Variants in PLCE1 observed in about 807,000 individuals in gnomAD.
PLCE1 encodes the protein phospholipase C epsilon 1.
In PLCE1, 119 loss-of-function variants were observed where a neutral mutation model predicts 242.8. The observed-to-expected ratio is 0.49, with a 90% confidence interval of 0.42 to 0.57. The LOEUF is 0.57. PLCE1 is among the 20% of genes least tolerant of loss of function. PLCE1 has a pLI of 0.00. For missense variants in PLCE1, 2,441 were observed against 2,788.8 expected (o/e 0.88, Z 2.81); for synonymous variants, 945 against 1,017.4 (o/e 0.93, Z 1.35).
intron 1 of PLCE1, among the ~76,000 whole-genome samples, 191 bp downstream of exon 1, chr10:93,994,449 G>A (rs972088730): frequency 6.6e-6 from 1 of 152,268 alleles, no homozygotes; most frequent in African/African-American, 2.4e-5. Flanking sequence ...CCCTCGCAGG[G>A]GCTAAAGGAC....
intron 2 of PLCE1, among the ~76,000 whole-genome samples, chr10:94,124,143 G>A (rs914910847): frequency 1.3e-5 from 2 of 152,126 alleles, no homozygotes; most frequent in Admixed American, 6.5e-5. Flanking sequence ...ACGCTGGGAC[G>A]CTGAGGCGGG....
chr10:94,177,269 A>G (rs2048155985), intron 4 of PLCE1, among the ~76,000 whole-genome samples: 1 of 152,216 alleles, frequency 6.6e-6, no homozygotes, highest in African/African-American at 2.4e-5. Flanking sequence ...GAGATAAATC[A>G]TTTAAAATCA....
At chr10:94,129,170 T>C (rs2046522029) in intron 2 of PLCE1, among the ~76,000 whole-genome samples, 2 of 152,088 alleles carry the variant, frequency 1.3e-5, no homozygotes, top group Admixed American at 1.3e-4. Context: ...AACAATGAGA[T>C]GACAAGAGAT....
chr10:94,269,382 A>T (rs1055905180), intron 17 of PLCE1, among the ~76,000 whole-genome samples: 10 of 151,898 alleles, frequency 6.6e-5, no homozygotes, highest in Non-Finnish European at 1.3e-4. Flanking sequence ...GGGATTACAG[A>T]CGTGAGCCAC....
rs115448378 is a variant in PLCE1, at chr10:94,201,155, C to T, written c.1810-26151C>T. ...CATGCTAACCTAAGACATTAATAAA[C>T]GGGGACTTGGGTGCCAGGATTATGG... On this transcript the variant is annotated intron_variant, in intron 4 of 32. Coordinates refer to ENST00000371380, the MANE Select transcript of PLCE1 (RefSeq NM_016341.4). Among the ~76,000 whole-genome samples the T allele has an allele frequency of 1.0e-3, 156 of 152,240 alleles. 1 individual carries two copies. The highest frequency in any genetic ancestry group is 3.0e-3 in the African/African-American group (124 of 41,552).
At chr10:94,120,478 A>G (rs1236256441) in intron 2 of PLCE1, among the ~76,000 whole-genome samples, 1 of 151,980 alleles carries the variant, frequency 6.6e-6, no homozygotes, top group Non-Finnish European at 1.5e-5. Flanking sequence ...TGAGTTCGTG[A>G]TCCTTGGGGG....
At chr10:94,315,461 T>G (rs1168726437) in intron 28 of PLCE1, 1 of 455,984 alleles carries the variant, frequency 2.2e-6, no homozygotes, top group East Asian at 6.9e-5. Context: ...CCTTTTGTAG[T>G]AACCTGTACA....
chr10:94,066,438 T>C (rs770404423), intron 2 of PLCE1, among the ~76,000 whole-genome samples: 2 of 152,162 alleles, frequency 1.3e-5, no homozygotes, highest in Admixed American at 6.5e-5. Flanking sequence ...GTCACACAAT[T>C]CACAGTGTTA....
intron 4 of PLCE1, among the ~76,000 whole-genome samples, chr10:94,204,478 C>T (rs1030678484): frequency 6.6e-6 from 1 of 151,694 alleles, no homozygotes; most frequent in Non-Finnish European, 1.5e-5. Flanking sequence ...ATCATCCTGG[C>T]CAAGATGGTG....
chr10:94,085,980 GT>G (rs531806246), intron 2 of PLCE1, among the ~76,000 whole-genome samples: 198 of 152,218 alleles, frequency 1.3e-3, no homozygotes, highest in African/African-American at 4.6e-3. Flanking sequence ...ATATCTCTCA[GT>G]CAACAAATAT....
intron 1 of PLCE1, among the ~76,000 whole-genome samples, chr10:93,994,500 G>T (rs555145272): frequency 1.3e-5 from 2 of 152,244 alleles, no homozygotes; most frequent in Non-Finnish European, 1.5e-5. Flanking sequence ...GCCTCAGGTC[G>T]CCCCTTCGTG....
At chr10:94,080,760 T>C (rs192973851) in intron 2 of PLCE1, among the ~76,000 whole-genome samples, 137 of 152,332 alleles carry the variant, frequency 9.0e-4, no homozygotes, top group Admixed American at 7.8e-4. Context: ...ATCAACAGGT[T>C]GTTTTAGAGA....
chr10:94,129,698 C>G (rs1026326591), intron 2 of PLCE1, among the ~76,000 whole-genome samples: 1 of 152,112 alleles, frequency 6.6e-6, no homozygotes, highest in Non-Finnish European at 1.5e-5. Flanking sequence ...GCTTAGTAAT[C>G]TTTTTAAGAC....
chr10:94,136,216 G>C (rs1349890601), intron 3 of PLCE1, among the ~76,000 whole-genome samples: 1 of 152,168 alleles, frequency 6.6e-6, no homozygotes, highest in Non-Finnish European at 1.5e-5. Context: ...GTAGAAAGGT[G>C]GTTACCGGGG....
At chr10:94,161,543 A>G (rs549195893) in intron 3 of PLCE1, among the ~76,000 whole-genome samples, 1 of 152,314 alleles carries the variant, frequency 6.6e-6, no homozygotes, top group South Asian at 2.1e-4. Context: ...TATCAGCTTA[A>G]GGAGATTTTG....
At position 94,220,376 on chromosome 10, in the gene PLCE1, T is replaced by A. The variant is rs112043783; in HGVS notation, c.1810-6930T>A. On this transcript the variant is annotated intron_variant, in intron 4 of 32. Transcript: ENST00000371380. ...AATAAAAGCTTAAAAACTAAACATT[T>A]TATATATATATATATATATATATAT... Among the ~76,000 whole-genome samples the A allele has an allele frequency of 3.9e-3, 244 of 61,862 alleles. 4 individuals carry two copies. Among genetic ancestry groups the A allele is most frequent in the African/African-American group, 0.012 (189 of 15,952 alleles). 40.6% of individuals were successfully genotyped at this position (61,862 alleles called of 152,430 possible).
At chr10:94,281,821 C>T (rs965071718) in intron 20 of PLCE1, among the ~76,000 whole-genome samples, 1 of 151,950 alleles carries the variant, frequency 6.6e-6, no homozygotes, top group Admixed American at 6.6e-5. Flanking sequence ...TATGCTGTGA[C>T]TTGTTGAAGC....
intron 16 of PLCE1, among the ~76,000 whole-genome samples, chr10:94,266,440 GA>G (rs1472487769): frequency 6.7e-6 from 1 of 149,480 alleles, no homozygotes; most frequent in African/African-American, 2.5e-5. Context: ...AAAAAATGCA[GA>G]AAAAAATCTA....
At chr10:94,223,745 T>C (rs2049843207) in intron 4 of PLCE1, among the ~76,000 whole-genome samples, 1 of 152,210 alleles carries the variant, frequency 6.6e-6, no homozygotes, top group South Asian at 2.1e-4. Context: ...GTGCTTACTA[T>C]TGAAATAAGC....
Sources: gnomAD v4.1 joint callset for allele counts (sites outside exome capture counted in the v4.1 genomes callset) on GRCh38, gnomAD v4.1.1 for gene constraint, MANE v1.5 for transcripts, NCBI Gene and HGNC (gene_info 2026-07-23, HGNC 2026-07-21) for gene names.